OR52N2: variants seen among roughly 807,000 people sequenced by gnomAD.
OR52N2 encodes the protein olfactory receptor family 52 subfamily N member 2, also known as olfactory receptor 52N2.
For synonymous variants in OR52N2, 129 were observed against 72.0 expected (o/e 1.79, Z -4.01); for missense variants, 326 against 196.6 (o/e 1.66, Z -3.94).
intron 1 of OR52N2, among the ~76,000 whole-genome samples, chr11:5,811,025 A>T (rs1244938218): frequency 6.6e-6 from 1 of 151,492 alleles, no homozygotes; most frequent in Non-Finnish European, 1.5e-5. Flanking sequence ...AACTATTGGC[A>T]AAAGTGGCTA....
chr11:5,814,619 C>T (rs764803870), intron 1 of OR52N2, among the ~76,000 whole-genome samples: 7 of 151,958 alleles, frequency 4.6e-5, no homozygotes, highest in South Asian at 2.1e-4. Context: ...AAGGGGTGGA[C>T]GATAGTATTG....
At chr11:5,819,396 TACAA>T (rs1015228230) in intron 1 of OR52N2, among the ~76,000 whole-genome samples, 25 of 152,296 alleles carry the variant, frequency 1.6e-4, no homozygotes, top group African/African-American at 5.5e-4. Flanking sequence ...ATTAAAGCAG[TACAA>T]ACAGTCAATA....
intron 1 of OR52N2, among the ~76,000 whole-genome samples, chr11:5,818,359 ACT>A (rs1349709820): frequency 6.6e-6 from 1 of 152,126 alleles, no homozygotes; most frequent in Non-Finnish European, 1.5e-5. Flanking sequence ...CCCAAAGTTC[ACT>A]CTCTTTTAAA....
At chr11:5,816,472 G>A (rs1476706166) in intron 1 of OR52N2, among the ~76,000 whole-genome samples, 2 of 152,064 alleles carry the variant, frequency 1.3e-5, no homozygotes, top group Non-Finnish European at 2.9e-5. Context: ...CTGCATAGGA[G>A]GTCTTCATGC....
rs1846334556 is a variant in OR52N2, at chr11:5,809,447, T to C, written c.-55+393T>C. Among the ~76,000 whole-genome samples, 4 of 152,222 alleles carry C rather than the reference T, an allele frequency of 2.6e-5. No homozygotes were observed. In the South Asian group the frequency reaches 8.3e-4, roughly 32 times the overall value. On this transcript the variant is annotated intron_variant, in intron 1 of 1. Coordinates refer to ENST00000317037, the MANE Select transcript of OR52N2 (RefSeq NM_001005174.3). Reference sequence around the variant, plus strand: ...GGGTACAGTGGTGAGGCATGTGAGATGTGCAGTTTCCGGGGAACAATGAGT... The same window carrying C: ...GGGTACAGTGGTGAGGCATGTGAGACGTGCAGTTTCCGGGGAACAATGAGT...
intron 1 of OR52N2, among the ~76,000 whole-genome samples, chr11:5,814,047 A>G (rs2134241222): frequency 6.6e-6 from 1 of 152,350 alleles, no homozygotes; most frequent in African/African-American, 2.4e-5. Context: ...GCCCACAGCT[A>G]ACATCATACT....
At chr11:5,816,060 A>C (rs1393063700) in intron 1 of OR52N2, among the ~76,000 whole-genome samples, 2 of 152,206 alleles carry the variant, frequency 1.3e-5, no homozygotes, top group Non-Finnish European at 2.9e-5. Context: ...GCTAAATAAA[A>C]TATGCCTGTC....
At position 5,818,568 on chromosome 11, in the gene OR52N2, C is replaced by T. The variant is rs188551847; in HGVS notation, c.-54-1714C>T. On this transcript the variant is annotated intron_variant, in intron 1 of 1. Coordinates refer to ENST00000317037, the MANE Select transcript of OR52N2 (RefSeq NM_001005174.3). ...TGAGATTGGTCAATTTTCATAAATC[C>T]CTATTTTAGGAAAGGGTAAAGACAT... 3.6e-3 allele frequency among the ~76,000 whole-genome samples: 540 copies of T among 152,098 alleles called. 4 individuals carry two copies. The highest frequency in any genetic ancestry group is 0.012 in the African/African-American group (510 of 41,476).
At position 5,820,895 on chromosome 11, in the gene OR52N2, C is replaced by G. The variant is rs1339623064; in HGVS notation, c.560C>G (p.Ala187Gly). The G allele has an allele frequency of 1.0e-5, 8 of 780,920 alleles. No homozygotes were observed. The allele number at this position is 780,920 out of a possible 1,614,324, so 48.4% of individuals were successfully genotyped here. Reference sequence around the variant, plus strand: ...ACCTACTGTGACCATATGTCTGTGGCCAAGGTATCCTGTGGCAATTTCAAG... The same window carrying G: ...ACCTACTGTGACCATATGTCTGTGGGCAAGGTATCCTGTGGCAATTTCAAG... ...PHTYCDHMSVAKVSCGNFKVN... is the reference protein window; with the variant it reads ...PHTYCDHMSVGKVSCGNFKVN... Residue 187 changes from alanine to glycine, a missense_variant, in exon 2 of 2, where the codon GCC (alanine) becomes GGC (glycine). Coordinates refer to ENST00000317037, the MANE Select transcript of OR52N2 (RefSeq NM_001005174.3).
In OR52N2 at chr11:5,809,409, G is replaced by A. The variant is rs188916775; in HGVS notation, c.-55+355G>A. Among the ~76,000 whole-genome samples, 753 of 152,234 alleles carry A rather than the reference G, an allele frequency of 4.9e-3. 7 individuals carry two copies. The highest frequency in any genetic ancestry group is 0.017 in the African/African-American group (715 of 41,538). Reference sequence around the variant, plus strand: ...CAAATATCTTTCTAAATATGGAAGGGAAGGGGAACACGGGGTACAGTGGTG... The same window carrying A: ...CAAATATCTTTCTAAATATGGAAGGAAAGGGGAACACGGGGTACAGTGGTG... On this transcript the variant is annotated intron_variant, in intron 1 of 1. Coordinates refer to ENST00000317037, the MANE Select transcript of OR52N2 (RefSeq NM_001005174.3).
At chr11:5,820,059 T>C (rs559434331) in intron 1 of OR52N2, among the ~76,000 whole-genome samples, 1 of 152,282 alleles carries the variant, frequency 6.6e-6, no homozygotes, top group South Asian at 2.1e-4. Flanking sequence ...AGAGGTGTGG[T>C]AAGTGAGGAT....
At chr11:5,816,697 G>A (rs989086279) in intron 1 of OR52N2, among the ~76,000 whole-genome samples, 3 of 151,894 alleles carry the variant, frequency 2.0e-5, no homozygotes, top group African/African-American at 7.3e-5. Flanking sequence ...GCACTACCAC[G>A]CCTGGCTAAT....
Position 5,821,169 on chromosome 11 carries a change from C to G in OR52N2, c.834C>G (p.Ile278Met), listed in dbSNP as rs146860481. Residue 278 changes from isoleucine to methionine, a missense_variant, in exon 2 of 2, where the codon ATC (isoleucine) becomes ATG (methionine). Ile to Met is a conservative substitution (Grantham distance 10). Transcript: ENST00000317037. ...GHNIPNHIHI[I>M]VANLYLLLPP... ...ATATCCCAAACCACATACACATCAT[C>G]GTGGCCAACCTTTATCTGCTACTGC... 1 of 781,010 alleles carries G rather than the reference C, an allele frequency of 1.3e-6. No individual in the cohort carries two copies. Among genetic ancestry groups the G allele is most frequent in the Admixed American group, 1.7e-5 (1 of 59,028 alleles). The allele number at this position is 781,010 out of a possible 1,614,324, so 48.4% of individuals were successfully genotyped here. A position where few individuals can be genotyped will look rare whatever the true frequency, so the allele number is the denominator to read the frequency against.
chr11:5,809,318 T>C (rs1477226507), intron 1 of OR52N2, among the ~76,000 whole-genome samples: 1 of 152,114 alleles, frequency 6.6e-6, no homozygotes, highest in Non-Finnish European at 1.5e-5. Flanking sequence ...CACTCCCCCA[T>C]GGGCTGGGGT....
At chr11:5,814,106 G>A (rs1264670509) in intron 1 of OR52N2, among the ~76,000 whole-genome samples, 2 of 152,110 alleles carry the variant, frequency 1.3e-5, no homozygotes, top group East Asian at 1.9e-4. Context: ...ACAAGACATA[G>A]GTATCCTCTT....
chr11:5,811,074 A>G lies in OR52N2; in HGVS notation c.-55+2020A>G, dbSNP rs953871024. Among the ~76,000 whole-genome samples, 4 of 151,250 alleles carry G rather than the reference A, an allele frequency of 2.6e-5. No homozygotes were observed. The South Asian group carries it at 8.3e-4, about 31-fold the overall frequency. On this transcript the variant is annotated intron_variant, in intron 1 of 1. Transcript: ENST00000317037. ...TTAAAATATTTATAAAATATGATAT[A>G]TAAATATAATTTAAACTTTGGCCAC... is the stretch of plus-strand genomic sequence containing the variant.
At chr11:5,811,687 C>T (rs1033368237) in intron 1 of OR52N2, among the ~76,000 whole-genome samples, 2 of 151,956 alleles carry the variant, frequency 1.3e-5, no homozygotes, top group African/African-American at 4.8e-5. Flanking sequence ...AACAAGAAAA[C>T]AACAAAATGG....
rs200896891 is a variant in OR52N2 at position 5,820,666 on chromosome 11, G to C, written c.331G>C (p.Gly111Arg). The C allele has an allele frequency of 1.3e-6, 1 of 791,930 alleles. No homozygotes were observed. The highest frequency in any genetic ancestry group is 2.3e-6 in the Non-Finnish European group (1 of 428,150). The allele number at this position is 791,930 out of a possible 1,614,324, so 49.1% of individuals were successfully genotyped here. A position where few individuals can be genotyped will look rare whatever the true frequency, so the allele number is the denominator to read the frequency against. ...GATGTTTTTTGTCCATATGCTGACA[G>C]GGATGGAGTCTGGGGTGCTCATGCT... ...AQMFFVHMLT[G>R]MESGVLMLMA... Residue 111 changes from glycine (G) to arginine (R), a missense_variant, in exon 2 of 2, where the codon GGG becomes CGG. Gly to Arg is a moderately radical substitution (Grantham distance 125). Transcript: ENST00000317037.
At chr11:5,809,952 A>C (rs941863432) in intron 1 of OR52N2, among the ~76,000 whole-genome samples, 2 of 152,250 alleles carry the variant, frequency 1.3e-5, no homozygotes, top group Non-Finnish European at 2.9e-5. Context: ...GTTTAAGGAA[A>C]GGAAGAGAGA....
Sources: gnomAD v4.1 joint callset for allele counts (sites outside exome capture counted in the v4.1 genomes callset) on GRCh38, gnomAD v4.1.1 for gene constraint, MANE v1.5 for transcripts, NCBI Gene and HGNC (gene_info 2026-07-23, HGNC 2026-07-21) for gene names.